The following ARHGAP23 variants were observed in gnomAD, a reference collection of about 807,000 sequenced individuals.
ARHGAP23 encodes Rho GTPase activating protein 23.
A neutral mutation model predicts 136.3 loss-of-function variants in ARHGAP23; 34 were observed. That is an observed-to-expected ratio of 0.25 (90% confidence interval 0.19 to 0.33). The LOEUF (loss-of-function observed/expected upper bound fraction) is 0.33. Ranked by LOEUF, ARHGAP23 falls within the 10% of genes least tolerant of loss-of-function variation. ARHGAP23 has a pLI of 1.00. For synonymous variants in ARHGAP23, 832 were observed against 920.5 expected (o/e 0.90, Z 1.74); for missense variants, 1,808 against 2,139.0 (o/e 0.85, Z 3.05).
chr17:38,422,973 G>C (rs1458136173), intron 1 of ARHGAP23, among the ~76,000 whole-genome samples: 2 of 152,138 alleles, frequency 1.3e-5, no homozygotes, highest in Non-Finnish European at 2.9e-5. Flanking sequence ...TGCTAGTAGA[G>C]GGCTTTGAGG....
At chr17:38,483,939 G>C (rs1441607035) in intron 16 of ARHGAP23, among the ~76,000 whole-genome samples, 1 of 152,212 alleles carries the variant, frequency 6.6e-6, no homozygotes, top group African/African-American at 2.4e-5. Context: ...GGGCTTGGAG[G>C]TGGGGAGGGT....
intron 20 of ARHGAP23, among the ~76,000 whole-genome samples, chr17:38,492,799 T>G (rs2040306460): frequency 6.6e-6 from 1 of 152,230 alleles, no homozygotes; most frequent in Non-Finnish European, 1.5e-5. Flanking sequence ...AGGGCTGCCC[T>G]GCAGCGTCGG....
upstream of ARHGAP23, among the ~76,000 whole-genome samples, chr17:38,426,027 G>A (rs1356004391): frequency 6.6e-6 from 1 of 151,952 alleles, no homozygotes; most frequent in African/African-American, 2.4e-5. Context: ...TCAGGCTCTG[G>A]AAAAAGTGAG....
At chr17:38,493,488 A>G (rs1456617251) in intron 20 of ARHGAP23, among the ~76,000 whole-genome samples, 1 of 152,002 alleles carries the variant, frequency 6.6e-6, no homozygotes, top group Non-Finnish European at 1.5e-5. Context: ...CATCACGCCC[A>G]GCCAGGCTGG....
chr17:38,421,323 A>AGCAG (rs2038518256), intron 1 of ARHGAP23, among the ~76,000 whole-genome samples: 1 of 152,114 alleles, frequency 6.6e-6, no homozygotes, highest in Non-Finnish European at 1.5e-5. Context: ...TGCCAAGCAC[A>AGCAG]GCAGCTCAGC....
chr17:38,466,825 C>G lies in ARHGAP23; in HGVS notation c.1142C>G (p.Ala381Gly). Residue 381 changes from alanine to glycine, a missense_variant, in exon 7 of 24, where the codon GCT (alanine) becomes GGT (glycine). Ala to Gly is a moderately conservative substitution (Grantham distance 60). Transcript: ENST00000622683. ...CCCCGCTTTGAGCGGTGTGGCTGGG[C>G]TTCCCAGCGTTCGTCTGCCCGCACC... ...VSPRFERCGW[A>G]SQRSSARTPA... The G allele has an allele frequency of 6.5e-7, 1 of 1,548,840 alleles. No individual in the cohort carries two copies. The highest frequency in any genetic ancestry group is 8.7e-7 in the Non-Finnish European group (1 of 1,146,522).
At chr17:38,461,987 C>G (rs987688745) in intron 3 of ARHGAP23, among the ~76,000 whole-genome samples, 2 of 152,058 alleles carry the variant, frequency 1.3e-5, no homozygotes, top group Non-Finnish European at 2.9e-5. Context: ...GAGTCTTGCT[C>G]TGTCACCCAG....
At chr17:38,425,442 A>G (rs967208956), upstream of ARHGAP23, among the ~76,000 whole-genome samples, 5 of 152,176 alleles carry the variant, frequency 3.3e-5, no homozygotes, top group Admixed American at 1.3e-4. Flanking sequence ...AGTTCTTTAT[A>G]GAGTCACAAC....
intron 1 of ARHGAP23, among the ~76,000 whole-genome samples, chr17:38,441,993 G>A (rs1360165271): frequency 6.6e-6 from 1 of 151,864 alleles, no homozygotes; most frequent in Non-Finnish European, 1.5e-5. Context: ...ATCTGGCTCT[G>A]TCGCCCAGGC....
chr17:38,439,579 C>T (rs1167992110), intron 1 of ARHGAP23, among the ~76,000 whole-genome samples: 1 of 152,196 alleles, frequency 6.6e-6, no homozygotes, highest in Non-Finnish European at 1.5e-5. Flanking sequence ...GCCTCAGGGC[C>T]AGACACTGCT....
chr17:38,473,313 G>A (rs1323644865), intron 11 of ARHGAP23, among the ~76,000 whole-genome samples: 3 of 152,054 alleles, frequency 2.0e-5, no homozygotes, highest in African/African-American at 7.2e-5. Context: ...TCCCTGGAAA[G>A]AACATAAGCT....
Position 38,458,225 on chromosome 17 carries a change from G to A in ARHGAP23, c.187G>A (p.Val63Met). 3.3e-6 allele frequency: 5 copies of A among 1,535,248 alleles called. No homozygotes were observed. The highest frequency in any genetic ancestry group is 3.5e-6 in the Non-Finnish European group (4 of 1,146,300). Residue 63 changes from valine (V) to methionine (M), a missense_variant, in exon 2 of 24, where the codon GTG becomes ATG. Coordinates refer to ENST00000622683, the MANE Select transcript of ARHGAP23 (RefSeq NM_001199417.2). ...GFGFTLRHFIVYPPESAVHCS... is the reference protein window; with the variant it reads ...GFGFTLRHFIMYPPESAVHCS... Reference sequence around the variant, plus strand: ...TGGCTTCACTCTGCGCCACTTCATCGTGTACCCACCCGAGTCGGCCGTGCA... The same window carrying A: ...TGGCTTCACTCTGCGCCACTTCATCATGTACCCACCCGAGTCGGCCGTGCA...
At chr17:38,421,131 T>C (rs2038516713) in intron 1 of ARHGAP23, among the ~76,000 whole-genome samples, 1 of 152,206 alleles carries the variant, frequency 6.6e-6, no homozygotes, top group African/African-American at 2.4e-5. Context: ...CCTGCTCCCC[T>C]GTACCCTCCC....
At chr17:38,478,602 G>T (rs1366476331) in intron 12 of ARHGAP23, among the ~76,000 whole-genome samples, 3 of 151,962 alleles carry the variant, frequency 2.0e-5, no homozygotes, top group Non-Finnish European at 4.4e-5. Flanking sequence ...GTAGAGATGG[G>T]GTTTCACTGT....
chr17:38,500,077 G>C (rs991079010), intron 22 of ARHGAP23, among the ~76,000 whole-genome samples: 4 of 152,178 alleles, frequency 2.6e-5, no homozygotes, highest in African/African-American at 9.7e-5. Context: ...CTTCATTTTT[G>C]CCCTTTTATC....
At chr17:38,442,145 G>A (rs2038935518) in intron 1 of ARHGAP23, among the ~76,000 whole-genome samples, 2 of 152,174 alleles carry the variant, frequency 1.3e-5, no homozygotes, top group South Asian at 4.1e-4. Context: ...TTTTTGTGGA[G>A]ATGGGGTCTT....
At position 38,469,856 on chromosome 17, in the gene ARHGAP23, A is replaced by G; in HGVS notation, c.1926A>G (p.Pro642=). The change falls in exon 10 of 24, where the codon CCA becomes CCG. Residue 642 remains proline (P), a synonymous_variant. Coordinates refer to ENST00000622683, the MANE Select transcript of ARHGAP23 (RefSeq NM_001199417.2). The part of the protein sequence containing the change: ...RDEGRVLRRL[P]NRIPSLRMLR... ...GACCCTCGCTTTCCAGGCGCCTGCCAAACCGCATACCCAGCCTGCGGATGC... is the reference window on the plus strand; with the variant it reads ...GACCCTCGCTTTCCAGGCGCCTGCCGAACCGCATACCCAGCCTGCGGATGC... 6.4e-7 allele frequency: 1 copy of G among 1,551,682 alleles called. No homozygotes were observed. The highest frequency in any genetic ancestry group is 1.2e-5 in the South Asian group (1 of 84,068).
chr17:38,482,066 A>C lies in ARHGAP23; in HGVS notation c.2674A>C (p.Ile892Leu). ...APKTPWGINIIKKNKKAAPRA... is the reference protein window; with the variant it reads ...APKTPWGINILKKNKKAAPRA... ...CAAAACCCCCTGGGGCATCAACATC[A>C]TCAAGAAAAATAAGAAGGCCGCTCC... Residue 892 changes from isoleucine (I) to leucine (L), a missense_variant, in exon 15 of 24, where the codon ATC becomes CTC. Physicochemically the swap from Ile to Leu is conservative, Grantham distance 5 (BLOSUM62 2). Coordinates refer to ENST00000622683, the MANE Select transcript of ARHGAP23 (RefSeq NM_001199417.2). The C allele has an allele frequency of 6.5e-7, 1 of 1,549,960 alleles. No individual in the cohort carries two copies. Among genetic ancestry groups the C allele is most frequent in the Non-Finnish European group, 8.7e-7 (1 of 1,146,368 alleles).
chr17:38,472,612 C>G (rs1206329668), intron 11 of ARHGAP23, among the ~76,000 whole-genome samples: 1 of 152,092 alleles, frequency 6.6e-6, no homozygotes, highest in Non-Finnish European at 1.5e-5. Flanking sequence ...CAGCAGGACT[C>G]TGAGAGGAGA....
Sources: gnomAD v4.1 joint callset for allele counts (sites outside exome capture counted in the v4.1 genomes callset) on GRCh38, gnomAD v4.1.1 for gene constraint, MANE v1.5 for transcripts, NCBI Gene and HGNC (gene_info 2026-07-23, HGNC 2026-07-21) for gene names.